Variants in CDKAL1 observed in about 807,000 individuals in gnomAD.
CDKAL1 encodes the protein CDKAL1 threonylcarbamoyladenosine tRNA methylthiotransferase.
In CDKAL1, 32 loss-of-function variants were observed where a neutral mutation model predicts 68.2. The observed-to-expected ratio is 0.47, with a 90% CI of 0.35 to 0.63. The LOEUF is 0.63. Ranked by LOEUF, CDKAL1 falls within the 30% of genes least tolerant of loss-of-function variation. CDKAL1 has a pLI of 0.00. For synonymous variants in CDKAL1, 234 were observed against 244.3 expected, an observed-to-expected ratio of 0.96 and a Z score of 0.39; for missense variants, 606 against 696.7, an observed-to-expected ratio of 0.87 and a Z score of 1.47.
rs777506511 is a variant in CDKAL1, at chr6:21,176,682, G to GTTTTTTTTT, written c.1300-21334_1300-21326dup. ...GAATGTCTTCATGGGCTGGATGTTG[G>GTTTTTTTTT]TTTTTTTTTTTTTGTTTTTTTTTTT... On this transcript the variant is annotated intron_variant, in intron 13 of 15. Transcript: ENST00000274695. Among the ~76,000 whole-genome samples the GTTTTTTTTT allele has an allele frequency of 1.2e-4, 14 of 119,868 alleles. 1 individual carries two copies. The highest frequency in any genetic ancestry group is 3.6e-4 in the African/African-American group (11 of 30,198). The allele number at this position is 119,868 out of a possible 152,430, so 78.6% of individuals were successfully genotyped here. A position where few individuals can be genotyped will look rare whatever the true frequency, so the allele number is the denominator to read the frequency against.
At chr6:21,140,909 A>T (rs1186548741) in intron 13 of CDKAL1, among the ~76,000 whole-genome samples, 1 of 152,182 alleles carries the variant, frequency 6.6e-6, no homozygotes, top group African/African-American at 2.4e-5. Flanking sequence ...GGCACTTCTT[A>T]CATGGCGGCG....
At chr6:20,820,957 CT>C in intron 8 of CDKAL1, among the ~76,000 whole-genome samples, 1 of 151,594 alleles carries the variant, frequency 6.6e-6, no homozygotes, top group East Asian at 1.9e-4. Flanking sequence ...GGACAGAGAA[CT>C]TTTAGGGGTG....
intron 5 of CDKAL1, among the ~76,000 whole-genome samples, chr6:20,662,060 G>A (rs1018129217): frequency 3.3e-5 from 5 of 151,960 alleles, no homozygotes; most frequent in East Asian, 1.9e-4. Context: ...CTTATTCTTG[G>A]TGTGTGTGTT....
At chr6:20,860,320 C>A (rs1020431912) in intron 9 of CDKAL1, among the ~76,000 whole-genome samples, 1 of 152,130 alleles carries the variant, frequency 6.6e-6, no homozygotes, top group East Asian at 1.9e-4. Context: ...CTCAGGTGAT[C>A]CGCCTGCCTC....
intron 13 of CDKAL1, among the ~76,000 whole-genome samples, chr6:21,167,309 GA>G (rs1309196269): frequency 6.6e-6 from 1 of 152,166 alleles, no homozygotes; most frequent in African/African-American, 2.4e-5. Flanking sequence ...TGTCAAAGCT[GA>G]CAACCAGCTG....
At chr6:21,018,750 G>A (rs970647428) in intron 11 of CDKAL1, among the ~76,000 whole-genome samples, 1 of 152,030 alleles carries the variant, frequency 6.6e-6, no homozygotes, top group African/African-American at 2.4e-5. Context: ...CTGTTATTAC[G>A]TTTATGATTT....
chr6:21,179,759 C>G (rs1355971906), intron 13 of CDKAL1, among the ~76,000 whole-genome samples: 4 of 152,182 alleles, frequency 2.6e-5, no homozygotes, highest in Admixed American at 2.6e-4. Context: ...AGAGGCTGGT[C>G]CTGGTGGCTC....
At chr6:20,981,284 AACTTGT>A (rs1766130219) in intron 10 of CDKAL1, among the ~76,000 whole-genome samples, 1 of 152,168 alleles carries the variant, frequency 6.6e-6, no homozygotes, top group Non-Finnish European at 1.5e-5. Flanking sequence ...GTAATCATTG[AACTTGT>A]AAGGGATTGA....
chr6:21,091,378 A>G (rs922500792), intron 12 of CDKAL1, among the ~76,000 whole-genome samples: 4 of 152,232 alleles, frequency 2.6e-5, no homozygotes, highest in African/African-American at 7.2e-5. Flanking sequence ...CAAACTTGAT[A>G]TATACCAGAG....
At chr6:21,083,411 C>T (rs140820579) in intron 12 of CDKAL1, among the ~76,000 whole-genome samples, 1 of 152,158 alleles carries the variant, frequency 6.6e-6, no homozygotes, top group East Asian at 1.9e-4. Flanking sequence ...CAGTTTTTAA[C>T]ATTTTGCTAC....
chr6:20,674,349 G>A (rs73732735), intron 5 of CDKAL1, among the ~76,000 whole-genome samples: 14,116 of 152,150 alleles, frequency 0.093, 2,102 homozygotes, highest in African/African-American at 0.32. Context: ...ACTTTAGTAC[G>A]TCCCCCATTA....
chr6:20,601,578 C>T (rs542143470), intron 4 of CDKAL1, among the ~76,000 whole-genome samples: 48 of 152,012 alleles, frequency 3.2e-4, no homozygotes, highest in Non-Finnish European at 5.3e-4. Context: ...CCTCTGTTAG[C>T]GTGCTGGTAG....
At chr6:21,097,442 T>C (rs1291292080) in intron 12 of CDKAL1, among the ~76,000 whole-genome samples, 1 of 150,798 alleles carries the variant, frequency 6.6e-6, no homozygotes, top group Non-Finnish European at 1.5e-5. Context: ...CACTTCAGCC[T>C]GGTCGACAGA....
At chr6:20,651,182 A>G (rs963516578) in intron 5 of CDKAL1, among the ~76,000 whole-genome samples, 11 of 152,110 alleles carry the variant, frequency 7.2e-5, no homozygotes, top group Admixed American at 2.0e-4. Flanking sequence ...CTTCCTATCC[A>G]TGAGCATGGA....
At chr6:21,176,849 A>C (rs1470867094) in intron 13 of CDKAL1, among the ~76,000 whole-genome samples, 1 of 136,320 alleles carries the variant, frequency 7.3e-6, no homozygotes, top group African/African-American at 2.9e-5. Flanking sequence ...CGCCTGCCAC[A>C]GTGCCCAGCT....
At chr6:20,573,216 ATGT>A (rs1301739902) in intron 4 of CDKAL1, among the ~76,000 whole-genome samples, 1 of 152,132 alleles carries the variant, frequency 6.6e-6, no homozygotes, top group African/African-American at 2.4e-5. Context: ...GTGGATTTCA[ATGT>A]TGTTGTTGTC....
At chr6:21,051,392 A>G (rs768848402) in intron 11 of CDKAL1, among the ~76,000 whole-genome samples, 12 of 152,110 alleles carry the variant, frequency 7.9e-5, no homozygotes, top group Non-Finnish European at 1.3e-4. Context: ...AGTAATAATA[A>G]GTTGTGTTTT....
intron 9 of CDKAL1, among the ~76,000 whole-genome samples, chr6:20,896,292 G>T (rs915101052): frequency 6.6e-6 from 1 of 151,874 alleles, no homozygotes; most frequent in African/African-American, 2.4e-5. Context: ...TAAAGACGGG[G>T]TTTCACCGTG....
chr6:20,797,824 A>ATTTTATT (rs1305180130), intron 8 of CDKAL1, among the ~76,000 whole-genome samples: 1 of 109,780 alleles, frequency 9.1e-6, no homozygotes, highest in African/African-American at 3.2e-5. Flanking sequence ...ATTTTATTTT[A>ATTTTATT]TTTTTTCTTG....
Sources: gnomAD v4.1 joint callset for allele counts (sites outside exome capture counted in the v4.1 genomes callset) on GRCh38, gnomAD v4.1.1 for gene constraint, MANE v1.5 for transcripts, NCBI Gene and HGNC (gene_info 2026-07-23, HGNC 2026-07-21) for gene names.